C7orf78: variants seen among roughly 807,000 people sequenced by gnomAD.
C7orf78 encodes the protein putative uncharacterized protein C7orf78.
the C7orf78 span, among the ~76,000 whole-genome samples, chr7:12,500,695 A>G: frequency 1.7e-3 from 265 of 152,280 alleles, 2 homozygotes; most frequent in East Asian, 0.027. Flanking sequence ...ATTCCAGTCA[A>G]TAGAAAAAGA....
At chr7:12,528,002 T>C in the C7orf78 span, among the ~76,000 whole-genome samples, 1 of 149,792 alleles carries the variant, frequency 6.7e-6, no homozygotes, top group Non-Finnish European at 1.5e-5. Context: ...CTCACTTTGG[T>C]AGAAAATGCC....
At chr7:12,504,681 T>C in the C7orf78 span, 1 of 152,090 alleles carries the variant, frequency 6.6e-6, no homozygotes, top group Non-Finnish European at 1.5e-5. Flanking sequence ...ATGAATTCAC[T>C]TATGAGAAAA....
chr7:12,500,031 A>G, the C7orf78 span, among the ~76,000 whole-genome samples: 1 of 114,082 alleles, frequency 8.8e-6, no homozygotes, highest in Non-Finnish European at 1.8e-5. Flanking sequence ...TTTGAAACCA[A>G]CGAGAACAAA....
At chr7:12,507,467 T>G in the C7orf78 span, 2 of 206,022 alleles carry the variant, frequency 9.7e-6, no homozygotes, top group African/African-American at 2.3e-5. Flanking sequence ...CTCTGATGGA[T>G]TCTACATTAG....
chr7:12,485,959 T>C, the C7orf78 span, among the ~76,000 whole-genome samples: 2 of 152,130 alleles, frequency 1.3e-5, no homozygotes, highest in Non-Finnish European at 2.9e-5. Flanking sequence ...GAAATCCTCT[T>C]TTTTACCTCT....
the C7orf78 span, among the ~76,000 whole-genome samples, chr7:12,503,494 G>A: frequency 0.87 from 132,881 of 151,964 alleles, 58,777 homozygotes; most frequent in East Asian, 1. Context: ...GATATATTTG[G>A]GGCAAGTGTG....
At chr7:12,512,060 C>T in the C7orf78 span, among the ~76,000 whole-genome samples, 27 of 151,682 alleles carry the variant, frequency 1.8e-4, no homozygotes, top group Admixed American at 1.6e-3. Context: ...CAGGCGTGAG[C>T]CACCACGCCT....
At chr7:12,504,783 T>C in the C7orf78 span, among the ~76,000 whole-genome samples, 1 of 152,138 alleles carries the variant, frequency 6.6e-6, no homozygotes, top group African/African-American at 2.4e-5. Flanking sequence ...CAGTGTTGAA[T>C]TTCCCTTTAT....
the C7orf78 span, among the ~76,000 whole-genome samples, chr7:12,494,355 G>A: frequency 9.5e-4 from 145 of 152,234 alleles, 1 homozygote; most frequent in Middle Eastern, 3.4e-3. Context: ...CTTCTCTGAA[G>A]TATCACTCCC....
the C7orf78 span, among the ~76,000 whole-genome samples, chr7:12,535,694 T>C: frequency 1.3e-5 from 2 of 152,198 alleles, no homozygotes; most frequent in African/African-American, 4.8e-5. Flanking sequence ...CCTATAAGGC[T>C]ATAAAATCAA....
chr7:12,538,266 A>T, the C7orf78 span: 1 of 152,190 alleles, frequency 6.6e-6, no homozygotes, highest in Non-Finnish European at 1.5e-5. Context: ...CTCACATCCA[A>T]TTCAAAATTT....
At chr7:12,500,795 C>T in the C7orf78 span, among the ~76,000 whole-genome samples, 1 of 149,066 alleles carries the variant, frequency 6.7e-6, no homozygotes, top group East Asian at 2.0e-4. Flanking sequence ...AATTTTAGAC[C>T]AATAGCCTTG....
the C7orf78 span, among the ~76,000 whole-genome samples, chr7:12,536,426 C>T: frequency 0.036 from 5,451 of 152,178 alleles, 133 homozygotes; most frequent in South Asian, 0.095. Context: ...GCACACAGCA[C>T]GGGGACCCTG....
At chr7:12,495,683 A>G in the C7orf78 span, among the ~76,000 whole-genome samples, 18 of 152,168 alleles carry the variant, frequency 1.2e-4, 1 homozygote, top group Admixed American at 1.2e-3. Flanking sequence ...CACTATTTAA[A>G]GCCTATTTTA....
chr7:12,536,252 C>T, the C7orf78 span, among the ~76,000 whole-genome samples: 15 of 152,258 alleles, frequency 9.9e-5, no homozygotes, highest in African/African-American at 3.6e-4. Flanking sequence ...TCGGAGGCTC[C>T]CAAACCTCAA....
chr7:12,535,530 T>C, the C7orf78 span, among the ~76,000 whole-genome samples: 1 of 152,096 alleles, frequency 6.6e-6, no homozygotes. Context: ...CCAAACCATA[T>C]CATTCCACCT....
the C7orf78 span, among the ~76,000 whole-genome samples, chr7:12,512,219 A>G: frequency 6.6e-6 from 1 of 152,020 alleles, no homozygotes; most frequent in African/African-American, 2.4e-5. Context: ...GACTTCCAGT[A>G]TTTTGTTGAA....
the C7orf78 span, among the ~76,000 whole-genome samples, chr7:12,510,345 T>A: frequency 6.6e-6 from 1 of 152,066 alleles, no homozygotes; most frequent in Non-Finnish European, 1.5e-5. Flanking sequence ...CCACCATGCC[T>A]GGCTAATTTC....
chr7:12,498,735 G>A, the C7orf78 span, among the ~76,000 whole-genome samples: 186 of 150,060 alleles, frequency 1.2e-3, no homozygotes, highest in African/African-American at 4.5e-3. Context: ...TACAGAGAAC[G>A]CCGCAAAGAT....
Sources: gnomAD v4.1 joint callset for allele counts (sites outside exome capture counted in the v4.1 genomes callset) on GRCh38, gnomAD v4.1.1 for gene constraint, MANE v1.5 for transcripts, NCBI Gene and HGNC (gene_info 2026-07-23, HGNC 2026-07-21) for gene names.